AMMECR1: variants seen among roughly 807,000 people sequenced by gnomAD.
AMMECR1 encodes the protein AMMECR nuclear protein 1.
A neutral mutation model predicts 22.5 loss-of-function variants in AMMECR1; 3 were observed. That is an observed-to-expected ratio of 0.13 (90% CI 0.06 to 0.35). The LOEUF is 0.35. Among genes scored for constraint, AMMECR1 ranks in the 10% least tolerant of loss-of-function variants. The pLI, the probability that AMMECR1 is intolerant of heterozygous loss-of-function variation, is 1.00. For missense variants in AMMECR1, 235 were observed against 278.7 expected (o/e 0.84, Z 1.12); for synonymous variants, 130 against 116.7 (o/e 1.11, Z -0.74).
In AMMECR1 at chrX:110,353,488, T is replaced by C. The variant is rs185949948; in HGVS notation, c.-147-35639A>G. Among the ~76,000 whole-genome samples, 28 of 111,653 alleles carry C rather than the reference T, an allele frequency of 2.5e-4. No homozygotes were observed. The East Asian group carries it at 2.8e-3, about 11-fold the overall frequency. On this transcript the variant is annotated intron_variant, in intron 2 of 7. Coordinates refer to the AMMECR1 transcript ENST00000372057. ...CTACGACTACTTTTGCTGCATCCCA[T>C]AAGTTTTGGAGTGTTATGTTTCCAT...
At chrX:110,338,223 G>T (rs2068148372) in intron 2 of AMMECR1, among the ~76,000 whole-genome samples, 1 of 112,277 alleles carries the variant, frequency 8.9e-6, no homozygotes, top group East Asian at 2.8e-4. Flanking sequence ...TACATTTTAT[G>T]TTTCATGTAT....
At chrX:110,281,485 GACA>G (rs1020501230) in intron 1 of AMMECR1, among the ~76,000 whole-genome samples, 12 of 112,149 alleles carry the variant, frequency 1.1e-4, no homozygotes, top group Non-Finnish European at 2.3e-4. Flanking sequence ...AAGGATAAAT[GACA>G]AATACAACTC....
intron 2 of AMMECR1, among the ~76,000 whole-genome samples, chrX:110,223,938 T>G (rs779892075): frequency 1.8e-5 from 2 of 112,019 alleles, no homozygotes; most frequent in Non-Finnish European, 3.8e-5. Flanking sequence ...TTTGGGCAAG[T>G]CTCTTAATCT....
chrX:110,278,326 G>T (rs2067836451), intron 1 of AMMECR1, among the ~76,000 whole-genome samples: 1 of 111,906 alleles, frequency 8.9e-6, no homozygotes, highest in African/African-American at 3.2e-5. Context: ...TAAATGTTCA[G>T]AAAGTAAACT....
intron 2 of AMMECR1, among the ~76,000 whole-genome samples, chrX:110,386,913 C>A (rs2068459570): frequency 8.9e-6 from 1 of 112,110 alleles, no homozygotes. Flanking sequence ...ATAATTATAA[C>A]ATGTTTAAAT....
chrX:110,421,392 A>C (rs1480744562), intron 2 of AMMECR1, among the ~76,000 whole-genome samples: 3 of 112,586 alleles, frequency 2.7e-5, no homozygotes, highest in Non-Finnish European at 5.6e-5. Context: ...TTTTGGCTCA[A>C]GAACAAATGA....
intron 2 of AMMECR1, among the ~76,000 whole-genome samples, chrX:110,255,128 A>T (rs1421914453): frequency 8.9e-6 from 1 of 112,408 alleles, no homozygotes; most frequent in Admixed American, 9.5e-5. Context: ...CTGTCTTGCT[A>T]CTTTCAAAGG....
At chrX:110,222,058 A>G (rs1167159641) in intron 2 of AMMECR1, among the ~76,000 whole-genome samples, 2 of 109,942 alleles carry the variant, frequency 1.8e-5, no homozygotes, top group Non-Finnish European at 3.8e-5. Context: ...GGGATCTAGA[A>G]CTGGAAATAC....
chrX:110,373,916 A>G (rs2068357825), intron 2 of AMMECR1, among the ~76,000 whole-genome samples: 1 of 112,224 alleles, frequency 8.9e-6, no homozygotes, highest in South Asian at 3.7e-4. Context: ...CAAATAAGTT[A>G]TGAGTGAAGA....
chrX:110,405,140 T>C (rs1385674222), intron 2 of AMMECR1, among the ~76,000 whole-genome samples: 4 of 97,908 alleles, frequency 4.1e-5, no homozygotes, highest in African/African-American at 1.1e-4. Flanking sequence ...TTTGTGTAAA[T>C]GTATTTTCTA....
chrX:110,300,114 C>T (rs1214474105), intron 1 of AMMECR1, among the ~76,000 whole-genome samples: 1 of 112,128 alleles, frequency 8.9e-6, no homozygotes, highest in Admixed American at 9.4e-5. Flanking sequence ...TACTGTTTTC[C>T]ATAATGGCTA....
At chrX:110,338,367 G>T (rs2068148903) in intron 2 of AMMECR1, among the ~76,000 whole-genome samples, 1 of 111,909 alleles carries the variant, frequency 8.9e-6, no homozygotes, top group Non-Finnish European at 1.9e-5. Flanking sequence ...TTCCTCAGAA[G>T]TACAAACAAT....
chrX:110,266,616 C>T (rs1260312230), intron 1 of AMMECR1, among the ~76,000 whole-genome samples: 2 of 109,778 alleles, frequency 1.8e-5, no homozygotes, highest in Non-Finnish European at 3.8e-5. Flanking sequence ...CTCCTGACCT[C>T]GTGATCTGCC....
rs753975282 is a variant in AMMECR1 at position 110,413,140 on chromosome X, C to T, written c.-148+13518G>A. The stretch of plus-strand genomic sequence containing the variant: ...TCCCATCCCTGCCACCCCGACTCAT[C>T]CACCTCCCCACTACCGCCCTCTCTC... On this transcript the variant is annotated intron_variant, in intron 2 of 7. Transcript: ENST00000372057. 1.3e-4 allele frequency among the ~76,000 whole-genome samples: 14 copies of T among 111,084 alleles called. No homozygotes were observed. The South Asian group carries it at 4.7e-3, about 37-fold the overall frequency.
chrX:110,372,658 T>G (rs1415179744), intron 2 of AMMECR1, among the ~76,000 whole-genome samples: 1 of 112,251 alleles, frequency 8.9e-6, no homozygotes, highest in East Asian at 2.8e-4. Flanking sequence ...ATCTAATATT[T>G]TCACTGTTAA....
At chrX:110,400,993 A>G (rs1297882259) in intron 2 of AMMECR1, among the ~76,000 whole-genome samples, 3 of 112,085 alleles carry the variant, frequency 2.7e-5, no homozygotes, top group Non-Finnish European at 5.6e-5. Context: ...CATGATATTT[A>G]ATGAATTTCT....
intron 1 of AMMECR1, among the ~76,000 whole-genome samples, chrX:110,267,179 T>C (rs1360330758): frequency 1.8e-5 from 2 of 111,543 alleles, no homozygotes; most frequent in Non-Finnish European, 3.8e-5. Flanking sequence ...AGTAGAATGA[T>C]TTATAATCTT....
chrX:110,345,246 C>CA (rs2068183506), intron 2 of AMMECR1, among the ~76,000 whole-genome samples: 2 of 108,408 alleles, frequency 1.8e-5, no homozygotes, highest in African/African-American at 6.8e-5. Context: ...ATCACAAGGA[C>CA]AAAAAACCAA....
intron 1 of AMMECR1, among the ~76,000 whole-genome samples, chrX:110,437,732 G>A (rs1419452956): frequency 1.8e-5 from 2 of 111,571 alleles, no homozygotes; most frequent in African/African-American, 6.5e-5. Context: ...GGTCTCAAAA[G>A]TCTAAATCTT....
Sources: gnomAD v4.1 joint callset for allele counts (sites outside exome capture counted in the v4.1 genomes callset) on GRCh38, gnomAD v4.1.1 for gene constraint, MANE v1.5 for transcripts, NCBI Gene and HGNC (gene_info 2026-07-23, HGNC 2026-07-21) for gene names.